Variants in TRPM3 observed in about 807,000 individuals in gnomAD.
TRPM3 encodes transient receptor potential cation channel subfamily M member 3.
A neutral mutation model predicts 181.2 loss-of-function variants in TRPM3; 77 were observed. That is an observed-to-expected ratio of 0.42 (90% CI 0.35 to 0.51). The LOEUF is 0.51. Among genes scored for constraint, TRPM3 ranks in the 20% least tolerant of loss-of-function variants. The pLI, the probability that TRPM3 is intolerant of heterozygous loss-of-function variation, is 0.01. For synonymous variants in TRPM3, 745 were observed against 796.4 expected (o/e 0.94, Z 1.09); for missense variants, 1,759 against 2,196.7 (o/e 0.80, Z 3.98).
intron 1 of TRPM3, among the ~76,000 whole-genome samples, chr9:71,053,374 T>G (rs763345944): frequency 2.6e-5 from 4 of 152,060 alleles, no homozygotes; most frequent in African/African-American, 4.8e-5. Flanking sequence ...TTCAGCTCCA[T>G]GCAGATTTTG....
At chr9:70,544,184 G>T (rs976561991) in intron 25 of TRPM3, among the ~76,000 whole-genome samples, 7 of 152,136 alleles carry the variant, frequency 4.6e-5, no homozygotes, top group African/African-American at 1.4e-4. Context: ...GAAAATTGGA[G>T]ATAGATAAAA....
At chr9:70,944,375 G>A (rs2096913057) in intron 1 of TRPM3, among the ~76,000 whole-genome samples, 1 of 152,122 alleles carries the variant, frequency 6.6e-6, no homozygotes, top group African/African-American at 2.4e-5. Flanking sequence ...TATTCTGAGT[G>A]GGTTCAACCG....
At chr9:70,991,051 A>T (rs1048086775) in intron 1 of TRPM3, among the ~76,000 whole-genome samples, 1 of 152,136 alleles carries the variant, frequency 6.6e-6, no homozygotes, top group Non-Finnish European at 1.5e-5. Context: ...AGGCTTTCTC[A>T]TCTCTCACCT....
At chr9:71,376,221 A>T (rs1467141291) in intron 1 of TRPM3, among the ~76,000 whole-genome samples, 1 of 151,952 alleles carries the variant, frequency 6.6e-6, no homozygotes, top group Non-Finnish European at 1.5e-5. Flanking sequence ...TCTTCTAAGA[A>T]ATGGACTAGA....
chr9:70,609,248 A>T (rs975349774), intron 19 of TRPM3, among the ~76,000 whole-genome samples: 2 of 152,218 alleles, frequency 1.3e-5, no homozygotes, highest in African/African-American at 4.8e-5. Context: ...TCCAAAGTCC[A>T]TGCTTGTCAC....
At chr9:71,157,878 C>A (rs2076085317) in intron 1 of TRPM3, among the ~76,000 whole-genome samples, 1 of 139,298 alleles carries the variant, frequency 7.2e-6, no homozygotes, top group Non-Finnish European at 1.6e-5. Context: ...CAAGAGCACA[C>A]AGACAGATTG....
At chr9:71,327,294 G>C (rs779520120) in intron 1 of TRPM3, among the ~76,000 whole-genome samples, 20 of 152,358 alleles carry the variant, frequency 1.3e-4, no homozygotes, top group Admixed American at 3.3e-4. Context: ...ATGAACGACT[G>C]CCAATGCCAT....
At chr9:71,006,732 G>A (rs371746765) in intron 1 of TRPM3, among the ~76,000 whole-genome samples, 9 of 151,964 alleles carry the variant, frequency 5.9e-5, no homozygotes, top group East Asian at 1.9e-4. Context: ...TTAGCCGGGC[G>A]TGGTGGCGGG....
chr9:70,967,487 G>T (rs2097197654), intron 1 of TRPM3, among the ~76,000 whole-genome samples: 1 of 152,030 alleles, frequency 6.6e-6, no homozygotes, highest in Non-Finnish European at 1.5e-5. Flanking sequence ...AAGAAATTCT[G>T]TGTTTACTTT....
At chr9:70,886,231 T>C (rs1306637466) in intron 1 of TRPM3, among the ~76,000 whole-genome samples, 1 of 152,140 alleles carries the variant, frequency 6.6e-6, no homozygotes, top group East Asian at 1.9e-4. Flanking sequence ...ATGGCTACTT[T>C]AGTGTTTTTC....
chr9:70,759,867 A>G (rs903383518), intron 8 of TRPM3, among the ~76,000 whole-genome samples: 1 of 152,164 alleles, frequency 6.6e-6, no homozygotes, highest in African/African-American at 2.4e-5. Flanking sequence ...TAGCATTAGG[A>G]GAAATATCTA....
rs548763907 is a variant in TRPM3 at position 70,534,497 on chromosome 9, T to G, written c.*1456A>C. The G allele has an allele frequency of 7.2e-5, 11 of 152,380 alleles. No homozygotes were observed. Among genetic ancestry groups the G allele is most frequent in the Admixed American group, 1.3e-4 (2 of 15,308 alleles). 9.4% of individuals were successfully genotyped at this position (152,380 alleles called of 1,614,324 possible). On this transcript the variant is annotated 3_prime_UTR_variant, in exon 26 of 26. Coordinates refer to ENST00000677713, the MANE Select transcript of TRPM3 (RefSeq NM_001366145.2). ...AGAAAGCTCTTTATGTCCATTTATT[T>G]TATATATAAATATGTGTCTCTGCAT... is the stretch of plus-strand genomic sequence containing the variant.
chr9:71,133,771 C>A (rs1278181644), intron 1 of TRPM3, among the ~76,000 whole-genome samples: 3 of 152,140 alleles, frequency 2.0e-5, no homozygotes, highest in African/African-American at 4.8e-5. Context: ...TATATATTCA[C>A]TCTAGCAGCC....
In TRPM3 at chr9:71,384,269, A is replaced by T. The variant is rs566368278; in HGVS notation, c.183+62384T>A. ...GTTCCTTATTTCAGAAATGCTGCCAAAGGAGTTATTTTGAGTCAATAACCT... is the reference window on the plus strand; with the variant it reads ...GTTCCTTATTTCAGAAATGCTGCCATAGGAGTTATTTTGAGTCAATAACCT... On this transcript the variant is annotated intron_variant, in intron 1 of 24. Coordinates refer to the TRPM3 transcript ENST00000357533. 2.6e-5 allele frequency among the ~76,000 whole-genome samples: 4 copies of T among 152,342 alleles called. No homozygotes were observed. The South Asian group carries it at 8.3e-4, about 32-fold the overall frequency.
chr9:71,181,082 A>C (rs1246318185), intron 1 of TRPM3, among the ~76,000 whole-genome samples: 1 of 152,122 alleles, frequency 6.6e-6, no homozygotes, highest in Non-Finnish European at 1.5e-5. Flanking sequence ...AGTTGAATTC[A>C]TTTCCATTAA....
At chr9:70,941,192 T>A (rs961540971) in intron 1 of TRPM3, among the ~76,000 whole-genome samples, 2 of 152,158 alleles carry the variant, frequency 1.3e-5, no homozygotes, top group African/African-American at 4.8e-5. Flanking sequence ...AGACCCACCC[T>A]TAATCTGGGT....
chr9:70,936,776 C>T (rs1242697774), intron 1 of TRPM3, among the ~76,000 whole-genome samples: 4 of 152,084 alleles, frequency 2.6e-5, no homozygotes, highest in Non-Finnish European at 4.4e-5. Flanking sequence ...TGTCCCTGTA[C>T]GTAAAGTGAA....
At chr9:70,541,424 T>G (rs964193837) in intron 25 of TRPM3, among the ~76,000 whole-genome samples, 1 of 152,114 alleles carries the variant, frequency 6.6e-6, no homozygotes, top group Non-Finnish European at 1.5e-5. Context: ...TGATAGGGGT[T>G]TAATATAGGG....
chr9:71,399,810 C>T lies in TRPM3; in HGVS notation c.183+46843G>A, dbSNP rs186176264. 1.2e-3 allele frequency among the ~76,000 whole-genome samples: 177 copies of T among 152,166 alleles called. 1 individual carries two copies. Among genetic ancestry groups the T allele is most frequent in the African/African-American group, 4.0e-3 (168 of 41,520 alleles). On this transcript the variant is annotated intron_variant, in intron 1 of 24. Coordinates refer to the TRPM3 transcript ENST00000357533. ...GCTTCCAAAGTGCTGGGATTACAGGCGTGAGCCACTGCGCCCAGCCTATAT... is the reference window on the plus strand; with the variant it reads ...GCTTCCAAAGTGCTGGGATTACAGGTGTGAGCCACTGCGCCCAGCCTATAT...
Sources: allele counts gnomAD v4.1 joint callset (sites outside exome capture counted in the v4.1 genomes callset), GRCh38; gene constraint gnomAD v4.1.1; transcripts MANE v1.5; gene names NCBI Gene and HGNC (gene_info 2026-07-23, HGNC 2026-07-21).